Variants in CAMTA1 observed in about 807,000 individuals in gnomAD.
CAMTA1 encodes calmodulin-binding transcription activator 1.
Under a neutral mutation model 170.9 loss-of-function variants are expected in CAMTA1, and 27 were observed. That is an observed-to-expected ratio of 0.16 (90% CI 0.12 to 0.22). CAMTA1 has a LOEUF of 0.22. CAMTA1 is among the 10% of genes least tolerant of loss of function. The pLI, the probability that CAMTA1 is intolerant of heterozygous loss-of-function variation, is 1.00. For synonymous variants in CAMTA1, 833 were observed against 891.5 expected (o/e 0.93, Z 1.17); for missense variants, 1,619 against 2,217.2 (o/e 0.73, Z 5.42).
chr1:7,766,606 CGT>C lies in CAMTA1; in HGVS notation c.*116_*117del. 7.1e-6 allele frequency: 6 copies of C among 840,932 alleles called. No individual in the cohort carries two copies. The highest frequency in any genetic ancestry group is 1.5e-5 in the South Asian group (1 of 68,478). The allele number at this position is 840,932 out of a possible 1,614,324, so 52.1% of individuals were successfully genotyped here. ...ACACGCACACACGCACACACACACA[CGT>C]ACACACACATACAAAATCCCTCTGC... On this transcript the variant is annotated 3_prime_UTR_variant, in exon 23 of 23. Transcript: ENST00000303635.
At chr1:6,972,725 C>CCTA (rs1294293631) in intron 3 of CAMTA1, among the ~76,000 whole-genome samples, 3 of 152,152 alleles carry the variant, frequency 2.0e-5, no homozygotes, top group Middle Eastern at 3.4e-3. Context: ...TCAGTGTAGA[C>CCTA]GTCTTTCTGT....
intron 6 of CAMTA1, among the ~76,000 whole-genome samples, chr1:7,557,476 G>A (rs982298717): frequency 1.3e-5 from 2 of 152,176 alleles, no homozygotes; most frequent in Non-Finnish European, 2.9e-5. Flanking sequence ...CCCCAGCTGT[G>A]ACATTCTAGG....
intron 3 of CAMTA1, among the ~76,000 whole-genome samples, chr1:6,914,186 C>A (rs1158445110): frequency 1.3e-5 from 2 of 149,132 alleles, no homozygotes; most frequent in East Asian, 4.0e-4. Context: ...CTCACTGCAA[C>A]CTCTGCCTCC....
chr1:7,647,803 T>C (rs2095819727), intron 7 of CAMTA1, among the ~76,000 whole-genome samples: 1 of 152,040 alleles, frequency 6.6e-6, no homozygotes, highest in Non-Finnish European at 1.5e-5. Flanking sequence ...AGCCTAAAAG[T>C]CCGGACGTAG....
chr1:7,623,174 T>C (rs920627403), intron 6 of CAMTA1, among the ~76,000 whole-genome samples: 4 of 152,222 alleles, frequency 2.6e-5, no homozygotes, highest in Non-Finnish European at 5.9e-5. Context: ...GTCTCTTCCA[T>C]GCTCTTTGAG....
At chr1:6,980,284 C>G (rs1694210967) in intron 3 of CAMTA1, among the ~76,000 whole-genome samples, 1 of 152,196 alleles carries the variant, frequency 6.6e-6, no homozygotes, top group Non-Finnish European at 1.5e-5. Flanking sequence ...CCAGAATCCT[C>G]TGTCTCCCTC....
Position 7,277,456 on chromosome 1 carries a change from GGTGTGTGT to G in CAMTA1, c.438+27859_438+27866del, listed in dbSNP as rs57970990. On this transcript the variant is annotated intron_variant, in intron 5 of 22. Coordinates refer to ENST00000303635, the MANE Select transcript of CAMTA1 (RefSeq NM_015215.4). The stretch of plus-strand genomic sequence containing the variant: ...AACTAAATTAATCTTTCCAAGCAAT[GGTGTGTGT>G]GTGTGTGTGTGTGTGTGTGTGTGTG... Among the ~76,000 whole-genome samples the G allele has an allele frequency of 5.0e-3, 671 of 135,368 alleles. 4 individuals are homozygous for G. The highest frequency in any genetic ancestry group is 8.0e-3 in the Non-Finnish European group (503 of 63,224). The allele number at this position is 135,368 out of a possible 152,430, so 88.8% of individuals were successfully genotyped here.
In CAMTA1 at chr1:7,276,287, ATATATATATATATATAT is replaced by A. The variant is rs1281647673; in HGVS notation, c.438+26663_438+26679del. ...AAAGCCTACACCTGATCATATATAT[ATATATATATATATATAT>A]TTTTTTTTTTTTTTTTTCTTTTTGA... is the stretch of plus-strand genomic sequence containing the variant. On this transcript the variant is annotated intron_variant, in intron 5 of 22. Transcript: ENST00000303635. Among the ~76,000 whole-genome samples, 35 of 58,254 alleles carry A rather than the reference ATATATATATATATATAT, an allele frequency of 6.0e-4. 1 individual carries two copies. Among genetic ancestry groups the A allele is most frequent in the Non-Finnish European group, 8.5e-4 (32 of 37,528 alleles). 38.2% of individuals were successfully genotyped at this position (58,254 alleles called of 152,430 possible). A position where few individuals can be genotyped will look rare whatever the true frequency, so the allele number is the denominator to read the frequency against.
At chr1:7,141,535 A>G (rs896979490) in intron 4 of CAMTA1, among the ~76,000 whole-genome samples, 9 of 152,114 alleles carry the variant, frequency 5.9e-5, no homozygotes, top group Admixed American at 4.6e-4. Flanking sequence ...CAGAGGGGAA[A>G]AGACATAGAA....
intron 5 of CAMTA1, among the ~76,000 whole-genome samples, chr1:7,324,028 T>G (rs1050034421): frequency 4.6e-5 from 7 of 152,232 alleles, no homozygotes; most frequent in African/African-American, 9.6e-5. Context: ...TATTCAAATC[T>G]TTTCTATTCT....
chr1:6,857,033 C>T (rs1662691985), intron 3 of CAMTA1, among the ~76,000 whole-genome samples: 3 of 152,196 alleles, frequency 2.0e-5, no homozygotes, highest in South Asian at 4.2e-4. Flanking sequence ...AAGGGTTGCC[C>T]GTGATAGAGG....
chr1:7,323,930 G>A (rs969887383), intron 5 of CAMTA1, among the ~76,000 whole-genome samples: 27 of 152,152 alleles, frequency 1.8e-4, no homozygotes, highest in South Asian at 2.1e-4. Context: ...TTGATTTATG[G>A]TCCAAAATGT....
At chr1:7,691,103 T>G (rs2096305571) in intron 11 of CAMTA1, among the ~76,000 whole-genome samples, 1 of 152,176 alleles carries the variant, frequency 6.6e-6, no homozygotes, top group Non-Finnish European at 1.5e-5. Flanking sequence ...TTTGGGGACC[T>G]TATGATGGAG....
chr1:7,394,035 C>CT (rs895064610), intron 5 of CAMTA1, among the ~76,000 whole-genome samples: 3 of 152,116 alleles, frequency 2.0e-5, no homozygotes, highest in African/African-American at 7.2e-5. Flanking sequence ...GGATTTCATT[C>CT]TTTTTTATGA....
At chr1:7,357,715 C>T (rs1025096442) in intron 5 of CAMTA1, among the ~76,000 whole-genome samples, 3 of 152,156 alleles carry the variant, frequency 2.0e-5, no homozygotes, top group East Asian at 1.9e-4. Flanking sequence ...CAGATGTCCT[C>T]GTCCATGTGT....
At chr1:7,298,202 ACGAGGGTGGCCTT>A (rs1674249022) in intron 5 of CAMTA1, among the ~76,000 whole-genome samples, 1 of 152,192 alleles carries the variant, frequency 6.6e-6, no homozygotes, top group Non-Finnish European at 1.5e-5. Flanking sequence ...AGGGCTGAGT[ACGAGGGTGGCCTT>A]CCTGTGCGGG....
chr1:7,140,074 A>G (rs1356023292), intron 4 of CAMTA1, among the ~76,000 whole-genome samples: 3 of 152,222 alleles, frequency 2.0e-5, no homozygotes, highest in East Asian at 3.9e-4. Flanking sequence ...ATTCTGTAGA[A>G]CAGGCTCAGA....
chr1:7,598,742 G>A (rs2095419458), intron 6 of CAMTA1, among the ~76,000 whole-genome samples: 1 of 152,186 alleles, frequency 6.6e-6, no homozygotes, highest in African/African-American at 2.4e-5. Context: ...GTCTTCTTTT[G>A]AGAAGTGTCT....
At chr1:7,763,517 A>G (rs917496314) in intron 22 of CAMTA1, among the ~76,000 whole-genome samples, 1 of 152,234 alleles carries the variant, frequency 6.6e-6, no homozygotes, top group African/African-American at 2.4e-5. Context: ...CACTAATTTC[A>G]TAGAGTATTT....
Sources: allele counts gnomAD v4.1 joint callset (sites outside exome capture counted in the v4.1 genomes callset), GRCh38; gene constraint gnomAD v4.1.1; transcripts MANE v1.5; gene names NCBI Gene and HGNC (gene_info 2026-07-23, HGNC 2026-07-21).